The following CHRFAM7A variants were observed in gnomAD, a reference collection of about 807,000 sequenced individuals.
CHRFAM7A encodes the protein CHRNA7 (exons 5-10) and FAM7A (exons A-E) fusion.
CHRFAM7A carries 3 observed loss-of-function variants against 29.2 expected under a neutral mutation model. The ratio of observed to expected loss-of-function variants is 0.10; its 90% CI spans 0.05 to 0.27. The LOEUF is 0.27. Ranked by LOEUF, CHRFAM7A falls within the 10% of genes least tolerant of loss-of-function variation. The probability of loss-of-function intolerance (pLI) is 1.00; values close to 1 mark genes in which losing one functional copy is unlikely to be tolerated. For missense variants in CHRFAM7A, 22 were observed against 328.0 expected, an observed-to-expected ratio of 0.07 and a Z score of 7.21; for synonymous variants, 7 against 135.4, an observed-to-expected ratio of 0.05 and a Z score of 6.58.
At chr15:30,371,842 G>A (rs1451044011) in intron 7 of CHRFAM7A, among the ~76,000 whole-genome samples, 1 of 137,496 alleles carries the variant, frequency 7.3e-6, no homozygotes, top group Non-Finnish European at 1.6e-5. Context: ...AGGAACAGGT[G>A]GGGTGGCAGG....
At chr15:30,372,635 ACT>A (rs2058874249) in intron 6 of CHRFAM7A, among the ~76,000 whole-genome samples, 1 of 47,880 alleles carries the variant, frequency 2.1e-5, no homozygotes, top group South Asian at 8.1e-4. Context: ...AAATGTAATC[ACT>A]GTTTTCCTAT....
chr15:30,369,071 A>G (rs2140873223), intron 8 of CHRFAM7A, among the ~76,000 whole-genome samples: 1 of 147,272 alleles, frequency 6.8e-6, no homozygotes, highest in East Asian at 2.0e-4. Context: ...GGGGCCTTCA[A>G]CAGGTCCTGA....
intron 3 of CHRFAM7A, among the ~76,000 whole-genome samples, chr15:30,382,776 A>C (rs1595513190): frequency 2.9e-5 from 1 of 34,768 alleles, no homozygotes; most frequent in East Asian, 5.4e-4. Context: ...TTTGTTAAAA[A>C]AAAAAAGTTT....
intron 8 of CHRFAM7A, among the ~76,000 whole-genome samples, chr15:30,370,891 G>A (rs1203900743): frequency 6.6e-6 from 1 of 151,582 alleles, no homozygotes; most frequent in Non-Finnish European, 1.5e-5. Flanking sequence ...GCATTTCTGT[G>A]AGATAAAAGT....
intron 5 of CHRFAM7A, among the ~76,000 whole-genome samples, chr15:30,374,073 A>G: frequency 7.7e-6 from 1 of 129,458 alleles, no homozygotes; most frequent in Non-Finnish European, 1.6e-5. Flanking sequence ...CGCTGAAAAG[A>G]GCTATTCCAG....
At position 30,373,977 on chromosome 15, in the gene CHRFAM7A, TA is replaced by T. The variant is rs1197471038; in HGVS notation, c.161-833del. On this transcript the variant is annotated intron_variant, in intron 5 of 9. Coordinates refer to ENST00000299847, the MANE Select transcript of CHRFAM7A (RefSeq NM_139320.2). Reference sequence around the variant, plus strand: ...AGAATCTGTCTGTAAGAAAAAAAGTTAAAACAAACAAACAAACAAACAAACA... The same window carrying T: ...AGAATCTGTCTGTAAGAAAAAAAGTTAAACAAACAAACAAACAAACAAACA... Among the ~76,000 whole-genome samples, 4 of 138,416 alleles carry T rather than the reference TA, an allele frequency of 2.9e-5. No individual in the cohort carries two copies. In the Admixed American group the frequency reaches 2.9e-4, roughly 10 times the overall value. 90.8% of individuals were successfully genotyped at this position (138,416 alleles called of 152,430 possible). A position where few individuals can be genotyped will look rare whatever the true frequency, so the allele number is the denominator to read the frequency against.
intron 9 of CHRFAM7A, among the ~76,000 whole-genome samples, chr15:30,363,153 T>G (rs1324776540): frequency 7.3e-5 from 11 of 149,896 alleles, no homozygotes; most frequent in African/African-American, 2.7e-4. Context: ...TCCTCATCTG[T>G]AACCCGGGGA....
chr15:30,377,547 C>A lies in CHRFAM7A; in HGVS notation c.81-438G>T, dbSNP rs1299882591. On this transcript the variant is annotated intron_variant, in intron 4 of 9. Transcript: ENST00000299847. ...CTAGTTCCAGCCTCTTGAAGCGGAC[C>A]CACACTTGGTTTGTGCTTCACATAT... 4.1e-4 allele frequency among the ~76,000 whole-genome samples: 53 copies of A among 128,368 alleles called. 1 individual carries two copies. Among genetic ancestry groups the A allele is most frequent in the African/African-American group, 1.2e-3 (40 of 34,416 alleles). 84.2% of individuals were successfully genotyped at this position (128,368 alleles called of 152,430 possible). A position where few individuals can be genotyped will look rare whatever the true frequency, so the allele number is the denominator to read the frequency against.
At chr15:30,374,342 C>T (rs1341489472) in intron 5 of CHRFAM7A, among the ~76,000 whole-genome samples, 2 of 94,740 alleles carry the variant, frequency 2.1e-5, no homozygotes, top group African/African-American at 8.6e-5. Flanking sequence ...ACCCCACAAC[C>T]GAGTTGGGAA....
chr15:30,374,579 T>C (rs573031068), intron 5 of CHRFAM7A, among the ~76,000 whole-genome samples: 1 of 145,018 alleles, frequency 6.9e-6, no homozygotes, highest in East Asian at 2.0e-4. Context: ...AGAAAGCAGA[T>C]CAGTGGTTGC....
At chr15:30,376,117 ACTGAGTG>A (rs2058932434) in intron 5 of CHRFAM7A, among the ~76,000 whole-genome samples, 1 of 113,830 alleles carries the variant, frequency 8.8e-6, no homozygotes, top group African/African-American at 3.9e-5. Flanking sequence ...GTGTGTGAGT[ACTGAGTG>A]GTGTGTGTGT....
At position 30,365,801 on chromosome 15, in the gene CHRFAM7A, C is replaced by CTTTTTTTTTT; in HGVS notation, c.720+1607_720+1616dup. Among the ~76,000 whole-genome samples, 2 of 74,248 alleles carry CTTTTTTTTTT rather than the reference C, an allele frequency of 2.7e-5. 1 individual carries two copies. Among genetic ancestry groups the CTTTTTTTTTT allele is most frequent in the Non-Finnish European group, 4.8e-5 (2 of 42,018 alleles). The allele number at this position is 74,248 out of a possible 152,430, so 48.7% of individuals were successfully genotyped here. ...CTTGTGTAATGAGCTACAAGTGAGT[C>CTTTTTTTTTT]TTTTTTTTTTTTTTTTTTTTTTTTT... On this transcript the variant is annotated intron_variant, in intron 9 of 9. Coordinates refer to ENST00000299847, the MANE Select transcript of CHRFAM7A (RefSeq NM_139320.2).
chr15:30,367,328 C>G (rs1434042050), intron 9 of CHRFAM7A, 90 bp downstream of exon 9: 19 of 1,478,028 alleles, frequency 1.3e-5, no homozygotes, highest in Non-Finnish European at 1.7e-5. Flanking sequence ...TTTAGGAATG[C>G]CCGTTTTTTG....
At chr15:30,374,552 A>G (rs1002165289) in intron 5 of CHRFAM7A, among the ~76,000 whole-genome samples, 5 of 146,338 alleles carry the variant, frequency 3.4e-5, no homozygotes, top group Admixed American at 1.4e-4. Flanking sequence ...GGCCCGAGAC[A>G]GAGAATTTCT....
intron 5 of CHRFAM7A, among the ~76,000 whole-genome samples, chr15:30,374,353 A>AAGAT (rs1345041267): frequency 2.1e-5 from 2 of 94,338 alleles, no homozygotes; most frequent in African/African-American, 8.6e-5. Flanking sequence ...GAGTTGGGAA[A>AAGAT]AGATACACAT....
intron 4 of CHRFAM7A, among the ~76,000 whole-genome samples, chr15:30,377,719 T>C (rs1238772515): frequency 3.5e-5 from 5 of 143,266 alleles, no homozygotes; most frequent in Non-Finnish European, 6.1e-5. Context: ...GGACTACAGG[T>C]GCACACCACC....
At position 30,371,172 on chromosome 15, in the gene CHRFAM7A, A is replaced by G. The variant is rs1369437939; in HGVS notation, c.536T>C (p.Leu179Ser). The change falls in exon 8 of 10, where the codon TTA becomes TCA. Residue 179 changes from leucine to serine, a missense_variant. Coordinates refer to ENST00000299847, the MANE Select transcript of CHRFAM7A (RefSeq NM_139320.2). ...GEKISLGITV[L>S]LSLTVFMLLV... Reference sequence around the variant, plus strand: ...CAGCATGAAGACGGTAAGAGAGAGTAAGACTGTTATCCCTAAAACATAAAC... The same window carrying G: ...CAGCATGAAGACGGTAAGAGAGAGTGAGACTGTTATCCCTAAAACATAAAC... 1 of 1,500,548 alleles carries G rather than the reference A, an allele frequency of 6.7e-7. No individual in the cohort carries two copies. Among genetic ancestry groups the G allele is most frequent in the African/African-American group, 1.5e-5 (1 of 66,764 alleles). 93.0% of individuals were successfully genotyped at this position (1,500,548 alleles called of 1,614,324 possible). A position where few individuals can be genotyped will look rare whatever the true frequency, so the allele number is the denominator to read the frequency against.
intron 6 of CHRFAM7A, 122 bp from the exon 7 acceptor site, chr15:30,372,463 A>AAAAG: frequency 4.5e-6 from 1 of 221,968 alleles, no homozygotes; most frequent in Non-Finnish European, 7.0e-6. Context: ...AAAAAAAAAA[A>AAAAG]GGGGGGGGTT....
At chr15:30,393,701 TACCCCTC>T (rs1451510928), upstream of CHRFAM7A, 1 of 22,184 alleles carries the variant, frequency 4.5e-5, no homozygotes, top group African/African-American at 1.2e-4. Context: ...CCTCACCTCT[TACCCCTC>T]ACCCCTCACC....
Sources: gnomAD v4.1 joint callset for allele counts (sites outside exome capture counted in the v4.1 genomes callset) on GRCh38, gnomAD v4.1.1 for gene constraint, MANE v1.5 for transcripts, NCBI Gene and HGNC (gene_info 2026-07-23, HGNC 2026-07-21) for gene names.